The following CFAP20DC variants were observed in gnomAD, a reference collection of about 807,000 sequenced individuals.
CFAP20DC encodes the protein protein CFAP20DC.
Under a neutral mutation model 101.7 loss-of-function variants are expected in CFAP20DC, and 84 were observed. The observed-to-expected ratio is 0.83, with a 90% confidence interval of 0.69 to 0.99. The LOEUF is 0.99. CFAP20DC is among the 50% of genes least tolerant of loss of function. The pLI, the probability that CFAP20DC is intolerant of heterozygous loss-of-function variation, is 0.00. For missense variants in CFAP20DC, 1,007 were observed against 970.3 expected, an observed-to-expected ratio of 1.04 and a Z score of -0.50; for synonymous variants, 359 against 351.2, an observed-to-expected ratio of 1.02 and a Z score of -0.25.
In CFAP20DC at chr3:58,894,509, C is replaced by G. The variant is rs1054524204; in HGVS notation, c.551-9800G>C. ...CTCCATGTCTCACATTCAGGACACG[C>G]TGATGCAGAAGGTGGGTTCCTACGG... On this transcript the variant is annotated intron_variant, in intron 6 of 16. Coordinates refer to ENST00000482387, the MANE Select transcript of CFAP20DC (RefSeq NM_001394063.1). The surrounding 1 kb of genome is among the most constrained non-coding windows in gnomAD (Gnocchi z 4.1). Among the ~76,000 whole-genome samples the G allele has an allele frequency of 1.3e-5, 2 of 152,254 alleles. No individual in the cohort carries two copies. The highest frequency in any genetic ancestry group is 1.3e-4 in the Admixed American group (2 of 15,284).
At chr3:58,778,948 T>C (rs2071585414) in intron 15 of CFAP20DC, among the ~76,000 whole-genome samples, 2 of 152,150 alleles carry the variant, frequency 1.3e-5, no homozygotes, top group African/African-American at 2.4e-5. Context: ...ACACCATAGA[T>C]ACATATTCAG....
chr3:58,965,839 A>C (rs1576513611), intron 4 of CFAP20DC, among the ~76,000 whole-genome samples: 1 of 152,198 alleles, frequency 6.6e-6, no homozygotes, highest in South Asian at 2.1e-4. Flanking sequence ...TACAACATTC[A>C]AAAAAGAGTT....
chr3:58,946,026 T>C (rs1358108978), intron 4 of CFAP20DC, among the ~76,000 whole-genome samples: 2 of 151,696 alleles, frequency 1.3e-5, no homozygotes, highest in African/African-American at 2.4e-5. Context: ...TTCATATCTA[T>C]TTTTTTCCTT....
chr3:58,780,561 A>G (rs2071738209), intron 15 of CFAP20DC, among the ~76,000 whole-genome samples: 1 of 152,076 alleles, frequency 6.6e-6, no homozygotes, highest in Non-Finnish European at 1.5e-5. Flanking sequence ...CTTATCTGTA[A>G]AGAAACATAT....
At chr3:58,931,093 T>C (rs1171062331) in intron 5 of CFAP20DC, among the ~76,000 whole-genome samples, 2 of 151,986 alleles carry the variant, frequency 1.3e-5, no homozygotes, top group Non-Finnish European at 2.9e-5. Flanking sequence ...CGATGGGGCT[T>C]AAAAAACGGC....
At chr3:58,943,595 A>G (rs2088935336) in intron 4 of CFAP20DC, among the ~76,000 whole-genome samples, 2 of 152,228 alleles carry the variant, frequency 1.3e-5, no homozygotes, top group Admixed American at 1.3e-4. Context: ...CCAAAGGTAG[A>G]TAAATCCGCG....
At chr3:58,771,424 A>G (rs2070833417) in intron 15 of CFAP20DC, among the ~76,000 whole-genome samples, 2 of 152,090 alleles carry the variant, frequency 1.3e-5, no homozygotes, top group Non-Finnish European at 1.5e-5. Context: ...AACAAGCAAA[A>G]AACAAAAACA....
chr3:59,036,201 G>A (rs1490685639), intron 4 of CFAP20DC, among the ~76,000 whole-genome samples: 1 of 152,126 alleles, frequency 6.6e-6, no homozygotes, highest in East Asian at 1.9e-4. Flanking sequence ...CATACTGAAT[G>A]GTCAAAAGCT....
intron 15 of CFAP20DC, among the ~76,000 whole-genome samples, chr3:58,785,716 C>T (rs1052033694): frequency 6.6e-6 from 1 of 152,020 alleles, no homozygotes; most frequent in Non-Finnish European, 1.5e-5. Flanking sequence ...TGGAAGGAAA[C>T]CAAAATATGT....
chr3:58,952,175 TCAGTGATACGTTATTAC>T, intron 4 of CFAP20DC, among the ~76,000 whole-genome samples: 1 of 152,332 alleles, frequency 6.6e-6, no homozygotes, highest in East Asian at 1.9e-4. Flanking sequence ...TTCTTAGTTT[TCAGTGATACGTTATTAC>T]AGTAGTCCCC....
chr3:58,828,549 A>C (rs1220284969), intron 14 of CFAP20DC, among the ~76,000 whole-genome samples: 3 of 152,230 alleles, frequency 2.0e-5, no homozygotes, highest in Non-Finnish European at 4.4e-5. Context: ...ATGCAGGAAC[A>C]GAAAACCAAA....
chr3:58,956,126 ACTT>A (rs1056567323), intron 4 of CFAP20DC, among the ~76,000 whole-genome samples: 6 of 150,894 alleles, frequency 4.0e-5, no homozygotes, highest in South Asian at 2.1e-4. Context: ...ATGGGGTGAG[ACTT>A]CTTCTGCTTG....
Position 58,870,244 on chromosome 3 carries a change from C to A in CFAP20DC, c.781G>T (p.Ala261Ser), listed in dbSNP as rs774956308. 4 of 1,613,746 alleles carry A rather than the reference C, an allele frequency of 2.5e-6. No homozygotes were observed. The highest frequency in any genetic ancestry group is 3.4e-6 in the Non-Finnish European group (4 of 1,179,832). ...NSKNQDVCHI[A>S]FGSKVLGPPP... ...GGCCCAAGAACTTTGGATCCAAATG[C>A]GATATGACAAACATCTTGATTTTTA... The change falls in exon 8 of 17, where the codon GCA becomes TCA. Residue 261 changes from alanine to serine, a missense_variant. By Grantham distance (99) the Ala-to-Ser change is moderately conservative. Coordinates refer to ENST00000482387, the MANE Select transcript of CFAP20DC (RefSeq NM_001394063.1).
intron 14 of CFAP20DC, among the ~76,000 whole-genome samples, chr3:58,825,559 C>T (rs149731459): frequency 1.0e-5 from 1 of 97,370 alleles, no homozygotes; most frequent in Non-Finnish European, 2.1e-5. Context: ...ACACACACAA[C>T]ATGGCTTTAT....
chr3:58,828,457 T>C (rs1225473955), intron 14 of CFAP20DC, among the ~76,000 whole-genome samples: 1 of 152,034 alleles, frequency 6.6e-6, no homozygotes, highest in Non-Finnish European at 1.5e-5. Context: ...AAAAATAAAG[T>C]GCATAAACCA....
chr3:59,006,204 C>G lies in CFAP20DC; in HGVS notation c.278+33353G>C, dbSNP rs2093430076. Among the ~76,000 whole-genome samples, 1 of 152,004 alleles carries G rather than the reference C, an allele frequency of 6.6e-6. No homozygotes were observed. The highest frequency in any genetic ancestry group is 1.5e-5 in the Non-Finnish European group (1 of 68,002). ...TTAGAATGTAGACAGTGGCAAAAGGCTGCTACTGTCATCCCAGCAACCAGA... is the reference window on the plus strand; with the variant it reads ...TTAGAATGTAGACAGTGGCAAAAGGGTGCTACTGTCATCCCAGCAACCAGA... On this transcript the variant is annotated intron_variant, in intron 4 of 16. Coordinates refer to ENST00000482387, the MANE Select transcript of CFAP20DC (RefSeq NM_001394063.1). The surrounding 1 kb of genome is among the most constrained non-coding windows in gnomAD (Gnocchi z 4.3).
intron 13 of CFAP20DC, among the ~76,000 whole-genome samples, chr3:58,834,423 A>C (rs1467055084): frequency 6.6e-6 from 1 of 152,218 alleles, no homozygotes; most frequent in Non-Finnish European, 1.5e-5. Context: ...TTTAATTTTC[A>C]TAATTTTTCT....
intron 4 of CFAP20DC, among the ~76,000 whole-genome samples, chr3:58,987,006 T>C (rs1485722471): frequency 6.6e-6 from 1 of 151,880 alleles, no homozygotes; most frequent in Admixed American, 6.6e-5. Flanking sequence ...AACAACAAAT[T>C]TGAAAAAGAG....
chr3:58,840,966 T>C (rs1476771454), intron 13 of CFAP20DC, among the ~76,000 whole-genome samples: 2 of 152,248 alleles, frequency 1.3e-5, no homozygotes, highest in African/African-American at 2.4e-5. Flanking sequence ...CTCTGAGCCA[T>C]GGTTTCCACT....
Sources: allele counts gnomAD v4.1 joint callset (sites outside exome capture counted in the v4.1 genomes callset), GRCh38; gene constraint gnomAD v4.1.1; non-coding constraint Gnocchi (gnomAD v3.1); transcripts MANE v1.5; gene names NCBI Gene and HGNC (gene_info 2026-07-23, HGNC 2026-07-21).